Variants in DCDC1 observed in about 807,000 individuals in gnomAD.
The protein encoded by DCDC1 is doublecortin domain containing 1, also known as doublecortin domain-containing protein 1.
Under a neutral mutation model 178.3 loss-of-function variants are expected in DCDC1, and 200 were observed. The ratio of observed to expected loss-of-function variants is 1.12; its 90% confidence interval spans 1.00 to 1.26. The LOEUF is 1.26. Among genes scored for constraint, DCDC1 ranks in the 50% most tolerant of loss-of-function variants. The pLI, the probability that DCDC1 is intolerant of heterozygous loss-of-function variation, is 0.00. For synonymous variants in DCDC1, 690 were observed against 604.8 expected (o/e 1.14, Z -2.07); for missense variants, 1,983 against 1,749.2 (o/e 1.13, Z -2.38).
intron 8 of DCDC1, among the ~76,000 whole-genome samples, chr11:31,243,070 CTG>C (rs1475302681): frequency 6.6e-6 from 1 of 151,674 alleles, no homozygotes; most frequent in East Asian, 1.9e-4. Flanking sequence ...CATTTTTATA[CTG>C]TCTTAGAGTA....
intron 3 of DCDC1, among the ~76,000 whole-genome samples, chr11:31,321,621 C>G (rs1565606219): frequency 6.6e-6 from 1 of 152,124 alleles, no homozygotes; most frequent in African/African-American, 2.4e-5. Context: ...TCTTCTGCGT[C>G]GCTCACGCTG....
chr11:31,110,758 T>C (rs73459258), intron 11 of DCDC1, among the ~76,000 whole-genome samples: 2,639 of 152,236 alleles, frequency 0.017, 77 homozygotes, highest in African/African-American at 0.061. Flanking sequence ...ATTTTGTTCT[T>C]CATAAAGCCA....
intron 9 of DCDC1, among the ~76,000 whole-genome samples, chr11:31,227,435 C>T (rs1440526178): frequency 6.6e-6 from 1 of 152,032 alleles, no homozygotes; most frequent in African/African-American, 2.4e-5. Flanking sequence ...GAGGGATTTA[C>T]CCCCATGATC....
At chr11:31,271,508 CTT>C (rs972873104) in intron 7 of DCDC1, among the ~76,000 whole-genome samples, 2 of 152,338 alleles carry the variant, frequency 1.3e-5, no homozygotes, top group South Asian at 2.1e-4. Flanking sequence ...TCCATGCTCT[CTT>C]GTTTCTTTTC....
intron 20 of DCDC1, among the ~76,000 whole-genome samples, chr11:30,996,868 T>G (rs1468112253): frequency 6.6e-6 from 1 of 152,230 alleles, no homozygotes; most frequent in Non-Finnish European, 1.5e-5. Flanking sequence ...ACAGAAAATT[T>G]TGTTCGCATA....
At chr11:30,879,987 C>T (rs1942499886) in intron 37 of DCDC1, among the ~76,000 whole-genome samples, 1 of 152,112 alleles carries the variant, frequency 6.6e-6, no homozygotes, top group Non-Finnish European at 1.5e-5. Context: ...CACGTTTGCT[C>T]ACTATTCGAT....
chr11:31,041,154 G>A (rs559219151), intron 20 of DCDC1, among the ~76,000 whole-genome samples: 3 of 152,308 alleles, frequency 2.0e-5, no homozygotes, highest in Admixed American at 6.5e-5. Flanking sequence ...AGGGACAGGA[G>A]TGAAAGATCT....
intron 3 of DCDC1, among the ~76,000 whole-genome samples, chr11:31,308,755 GATAAA>G (rs1384026074): frequency 6.6e-6 from 1 of 152,154 alleles, no homozygotes; most frequent in African/African-American, 2.4e-5. Flanking sequence ...ATACCGGTAT[GATAAA>G]ATAAAATAAG....
intron 1 of DCDC1, among the ~76,000 whole-genome samples, chr11:31,364,372 G>C (rs1951855040): frequency 6.6e-6 from 1 of 152,096 alleles, no homozygotes; most frequent in Non-Finnish European, 1.5e-5. Context: ...GGGCAAACAA[G>C]TGAATGGGGG....
At chr11:30,869,389 T>C (rs1357630225) in intron 38 of DCDC1, among the ~76,000 whole-genome samples, 3 of 152,232 alleles carry the variant, frequency 2.0e-5, no homozygotes, top group African/African-American at 7.2e-5. Flanking sequence ...TTTCAATGCA[T>C]GGCTAAAAAG....
intron 20 of DCDC1, among the ~76,000 whole-genome samples, chr11:31,003,827 C>T (rs1951699395): frequency 6.6e-6 from 1 of 152,064 alleles, no homozygotes; most frequent in African/African-American, 2.4e-5. Flanking sequence ...AGAAAGAGCA[C>T]AATGTAGGAA....
chr11:31,251,976 T>C (rs529202540), intron 8 of DCDC1, among the ~76,000 whole-genome samples: 2 of 152,132 alleles, frequency 1.3e-5, no homozygotes, highest in Non-Finnish European at 2.9e-5. Flanking sequence ...ATTCAGGCCA[T>C]GATACAATTA....
chr11:31,121,801 T>A (rs1395018743), intron 11 of DCDC1, among the ~76,000 whole-genome samples: 2 of 152,046 alleles, frequency 1.3e-5, no homozygotes, highest in Non-Finnish European at 2.9e-5. Context: ...TGAAATGAAG[T>A]TTAGAAAGAT....
intron 20 of DCDC1, among the ~76,000 whole-genome samples, chr11:30,989,414 A>G (rs1950847482): frequency 1.3e-5 from 2 of 152,192 alleles, no homozygotes; most frequent in African/African-American, 4.8e-5. Flanking sequence ...AGACTGCTCT[A>G]CTGACTCCCA....
intron 1 of DCDC1, among the ~76,000 whole-genome samples, chr11:31,353,002 C>T (rs1323137127): frequency 1.3e-5 from 2 of 152,204 alleles, no homozygotes; most frequent in African/African-American, 4.8e-5. Context: ...TTTTTCTATA[C>T]ACTATAACAC....
intron 9 of DCDC1, among the ~76,000 whole-genome samples, chr11:31,174,953 C>A (rs1490517278): frequency 6.6e-6 from 1 of 152,190 alleles, no homozygotes; most frequent in Non-Finnish European, 1.5e-5. Context: ...GGAACTTGGA[C>A]CTGCCAAATG....
chr11:30,884,611 G>A (rs549088553), intron 36 of DCDC1, among the ~76,000 whole-genome samples: 70 of 151,938 alleles, frequency 4.6e-4, no homozygotes, highest in African/African-American at 1.7e-3. Context: ...CTGAAAATAG[G>A]CATTTTGAAA....
chr11:30,920,005 G>A (rs933715516), intron 25 of DCDC1, among the ~76,000 whole-genome samples: 15 of 152,172 alleles, frequency 9.9e-5, no homozygotes, highest in African/African-American at 3.6e-4. Context: ...TGACTTCAAT[G>A]CTAAAGTATC....
intron 20 of DCDC1, among the ~76,000 whole-genome samples, chr11:30,984,258 C>T (rs925566269): frequency 3.2e-4 from 49 of 152,230 alleles, no homozygotes; most frequent in African/African-American, 1.1e-3. Context: ...TGTTTGGGCA[C>T]GTGTGTATAC....
Sources: gnomAD v4.1 joint callset for allele counts (sites outside exome capture counted in the v4.1 genomes callset) on GRCh38, gnomAD v4.1.1 for gene constraint, MANE v1.5 for transcripts, NCBI Gene and HGNC (gene_info 2026-07-23, HGNC 2026-07-21) for gene names.